The following TMEM116 variants were observed in gnomAD, a reference collection of about 807,000 sequenced individuals.
TMEM116 encodes transmembrane protein 116.
Under a neutral mutation model 44.3 loss-of-function variants are expected in TMEM116, and 38 were observed. The observed-to-expected ratio is 0.86, with a 90% CI of 0.66 to 1.12. The LOEUF is 1.12. TMEM116 is among the 50% of genes most tolerant of loss of function. The probability of loss-of-function intolerance (pLI) is 0.00; values close to 1 mark genes in which losing one functional copy is unlikely to be tolerated. For synonymous variants in TMEM116, 132 were observed against 144.8 expected (o/e 0.91, Z 0.64); for missense variants, 354 against 401.7 (o/e 0.88, Z 1.01).
intron 4 of TMEM116, among the ~76,000 whole-genome samples, chr12:111,965,950 T>C (rs1021706668): frequency 6.7e-6 from 1 of 150,256 alleles, no homozygotes; most frequent in African/African-American, 2.5e-5. Context: ...AATAAATAAA[T>C]AAACAACAAC....
chr12:111,995,466 G>A (rs760637801), intron 3 of TMEM116, among the ~76,000 whole-genome samples: 28 of 152,078 alleles, frequency 1.8e-4, no homozygotes, highest in Non-Finnish European at 3.1e-4. Context: ...GTTCTAGGAC[G>A]GGCATGGTGG....
chr12:111,934,165 T>G, intron 8 of TMEM116, 135 bp from the exon 9 acceptor site: 1 of 1,084,790 alleles, frequency 9.2e-7, no homozygotes, highest in Non-Finnish European at 1.3e-6. Context: ...TGTCTTTACT[T>G]TCTGAGATCA....
intron 3 of TMEM116, among the ~76,000 whole-genome samples, chr12:112,002,409 A>G (rs2077305991): frequency 6.6e-6 from 1 of 151,258 alleles, no homozygotes; most frequent in Non-Finnish European, 1.5e-5. Flanking sequence ...AAAAAAAAAA[A>G]AAAAAATTAG....
chr12:112,007,378 C>T, intron 1 of TMEM116, among the ~76,000 whole-genome samples: 1 of 152,176 alleles, frequency 6.6e-6, no homozygotes, highest in African/African-American at 2.4e-5. Flanking sequence ...CATGACACTG[C>T]ACTCCAGCCT....
chr12:111,960,609 C>T (rs1372565463), intron 4 of TMEM116, among the ~76,000 whole-genome samples: 5 of 150,718 alleles, frequency 3.3e-5, no homozygotes, highest in East Asian at 3.9e-4. Context: ...GGAAGCAATA[C>T]GTAAGTTCTT....
intron 4 of TMEM116, among the ~76,000 whole-genome samples, chr12:111,981,268 A>G (rs1384855293): frequency 6.6e-6 from 1 of 152,148 alleles, no homozygotes; most frequent in Non-Finnish European, 1.5e-5. Flanking sequence ...GAGCTCTAGA[A>G]TCTAATCAAA....
chr12:111,932,029 T>A (rs2071688232), intron 10 of TMEM116, among the ~76,000 whole-genome samples: 1 of 152,162 alleles, frequency 6.6e-6, no homozygotes, highest in South Asian at 2.1e-4. Flanking sequence ...TGAGAGTTGG[T>A]CATACTTCTT....
At chr12:112,004,425 C>T (rs991813972) in intron 2 of TMEM116, among the ~76,000 whole-genome samples, 2 of 151,756 alleles carry the variant, frequency 1.3e-5, no homozygotes, top group African/African-American at 2.4e-5. Flanking sequence ...GCTGGAACTA[C>T]GGGCATCTGC....
chr12:111,950,559 C>G (rs2073653106), intron 4 of TMEM116, among the ~76,000 whole-genome samples: 1 of 151,660 alleles, frequency 6.6e-6, no homozygotes, highest in South Asian at 2.1e-4. Context: ...TTCGACGAAG[C>G]TGACAAAAAC....
chr12:111,948,168 C>T (rs1187232763), intron 4 of TMEM116, among the ~76,000 whole-genome samples: 2 of 152,188 alleles, frequency 1.3e-5, no homozygotes, highest in Non-Finnish European at 1.5e-5. Context: ...CATATAAGCA[C>T]TGAGTTCAGC....
At chr12:111,976,330 A>G (rs2075670486) in intron 4 of TMEM116, among the ~76,000 whole-genome samples, 1 of 152,008 alleles carries the variant, frequency 6.6e-6, no homozygotes, top group Non-Finnish European at 1.5e-5. Flanking sequence ...ACCAAAAGCT[A>G]TAGCATACAT....
At chr12:111,941,100 G>A (rs1218069344) in intron 5 of TMEM116, among the ~76,000 whole-genome samples, 5 of 152,246 alleles carry the variant, frequency 3.3e-5, no homozygotes, top group Admixed American at 1.3e-4. Context: ...AGAGTAGGCC[G>A]GGCGCGTTGG....
intron 4 of TMEM116, among the ~76,000 whole-genome samples, chr12:111,989,207 T>C (rs968330049): frequency 5.9e-5 from 9 of 152,278 alleles, no homozygotes; most frequent in African/African-American, 1.4e-4. Context: ...CCCAAACTTT[T>C]TCCTCTCTTT....
chr12:111,985,599 T>C (rs998634900), intron 4 of TMEM116, among the ~76,000 whole-genome samples: 1 of 152,174 alleles, frequency 6.6e-6, no homozygotes, highest in Non-Finnish European at 1.5e-5. Flanking sequence ...TATAGTTTTT[T>C]GTTTTTTTGA....
intron 4 of TMEM116, among the ~76,000 whole-genome samples, chr12:111,967,387 T>TA (rs750417495): frequency 1.1e-4 from 16 of 152,052 alleles, no homozygotes; most frequent in Middle Eastern, 3.2e-3. Flanking sequence ...GGGAGCCAAG[T>TA]AAAATAGTGT....
chr12:112,012,718 G>A (rs1310537288), intron 1 of TMEM116: 1 of 152,366 alleles, frequency 6.6e-6, no homozygotes, highest in Admixed American at 6.5e-5. Flanking sequence ...CAAAGCCAGA[G>A]TCTGGCACAA....
intron 4 of TMEM116, among the ~76,000 whole-genome samples, chr12:111,954,787 C>A (rs1371407617): frequency 1.3e-5 from 2 of 152,210 alleles, no homozygotes; most frequent in East Asian, 3.8e-4. Flanking sequence ...GCTGATGGCA[C>A]TTCAACTTGT....
intron 4 of TMEM116, among the ~76,000 whole-genome samples, chr12:111,971,363 A>G (rs2075323599): frequency 1.3e-5 from 2 of 152,236 alleles, no homozygotes; most frequent in Admixed American, 1.3e-4. Flanking sequence ...ACAATAGCAT[A>G]AAGATTGGGA....
chr12:111,932,758 A>G (rs2071764607), intron 9 of TMEM116, 99 bp from the exon 10 acceptor site: 1 of 923,646 alleles, frequency 1.1e-6, no homozygotes, highest in East Asian at 2.5e-5. Context: ...TGGAAACAAT[A>G]GGCATAATAA....
Sources: allele counts gnomAD v4.1 joint callset (sites outside exome capture counted in the v4.1 genomes callset), GRCh38; gene constraint gnomAD v4.1.1; transcripts MANE v1.5; gene names NCBI Gene and HGNC (gene_info 2026-07-23, HGNC 2026-07-21).